C19orf33: variants seen among roughly 807,000 people sequenced by gnomAD.
C19orf33 encodes chromosome 19 open reading frame 33.
C19orf33 carries 9 observed loss-of-function variants against 9.7 expected under a neutral mutation model. That is an observed-to-expected ratio of 0.93 (90% CI 0.56 to 1.61). The LOEUF (loss-of-function observed/expected upper bound fraction) is 1.61, where lower values mean the gene tolerates loss of function less well. Ranked by LOEUF, C19orf33 falls within the 40% of genes most tolerant of loss-of-function variation. The pLI is 0.00. For synonymous variants in C19orf33, 61 were observed against 54.8 expected, an observed-to-expected ratio of 1.11 and a Z score of -0.50; for missense variants, 145 against 137.9, an observed-to-expected ratio of 1.05 and a Z score of -0.26.
At position 38,304,666 on chromosome 19, in the gene C19orf33, G is replaced by A. The variant is rs928454221; in HGVS notation, c.181G>A (p.Asp61Asn). ...SSSDSSSSSS[D>N]SDTDVKSHAA... The stretch of plus-strand genomic sequence containing the variant: ...TTCCGACTCCAGCAGCAGCTCCAGC[G>A]ATTCGGACACGGATGTGAAGGTAAG... Residue 61 changes from aspartate (D) to asparagine (N), a missense_variant, in exon 3 of 4, where the codon GAT (aspartate) becomes AAT (asparagine). Asp to Asn is a conservative substitution (Grantham distance 23). Coordinates refer to ENST00000301246, the MANE Select transcript of C19orf33 (RefSeq NM_033520.3). The A allele has an allele frequency of 1.2e-6, 2 of 1,613,696 alleles. No homozygotes were observed. Among genetic ancestry groups the A allele is most frequent in the South Asian group, 2.2e-5 (2 of 91,090 alleles).
Position 38,304,463 on chromosome 19 carries a change from G to A in C19orf33, c.111G>A (p.Ser37=), listed in dbSNP as rs1391612621. ...GTCCCCACAAAGTTCAGGGCCGGTC[G>A]GAGGCAGGGGCAGGTCCGGGTCCAA... ...KLSPHKVQGR[S]EAGAGPGPKQ... The change falls in exon 2 of 4, where the codon TCG becomes TCA. Residue 37 remains serine, a synonymous_variant. Transcript: ENST00000301246. 8 of 1,556,136 alleles carry A rather than the reference G, an allele frequency of 5.1e-6. No individual in the cohort carries two copies. In the East Asian group the frequency reaches 1.7e-4, roughly 33 times the overall value.
intron 2 of C19orf33, 63 bp downstream of exon 2, chr19:38,304,553 G>A: frequency 6.3e-7 from 1 of 1,597,686 alleles, no homozygotes; most frequent in African/African-American, 1.3e-5. Context: ...TGACCCCAGG[G>A]TCCTGCCTTA....
In C19orf33 at chr19:38,304,657, A is replaced by G; in HGVS notation, c.172A>G (p.Ser58Gly). 1 of 1,613,670 alleles carries G rather than the reference A, an allele frequency of 6.2e-7. No homozygotes were observed. The highest frequency in any genetic ancestry group is 8.5e-7 in the Non-Finnish European group (1 of 1,180,000). ...GHHSSSDSSSSSSDSDTDVKS... is the reference protein window; with the variant it reads ...GHHSSSDSSSGSSDSDTDVKS... ...CCACAGCTCTTCCGACTCCAGCAGC[A>G]GCTCCAGCGATTCGGACACGGATGT... The change falls in exon 3 of 4, where the codon AGC becomes GGC. Residue 58 changes from serine to glycine, a missense_variant. By Grantham distance (56) the Ser-to-Gly change is moderately conservative. Transcript: ENST00000301246.
chr19:38,304,593 G>T, intron 2 of C19orf33, 31 bp from the exon 3 acceptor site: 1 of 1,612,724 alleles, frequency 6.2e-7, no homozygotes, highest in South Asian at 1.1e-5. Context: ...CTGGGTAAGG[G>T]GCGCCGCCTC....
Position 38,304,677 on chromosome 19 carries a change from G to T in C19orf33, c.192G>T (p.Thr64=). ...DSSSSSSDSD[T]DVKSHAAGSK... is the part of the protein sequence containing the mutation. Reference sequence around the variant, plus strand: ...GCAGCAGCTCCAGCGATTCGGACACGGATGTGAAGGTAAGGGGCTCTCGCC... The same window carrying T: ...GCAGCAGCTCCAGCGATTCGGACACTGATGTGAAGGTAAGGGGCTCTCGCC... Residue 64 remains threonine (T), a synonymous_variant, in exon 3 of 4, where the codon ACG becomes ACT. Transcript: ENST00000301246. 6.2e-7 allele frequency: 1 copy of T among 1,613,646 alleles called. No homozygotes were observed. Among genetic ancestry groups the T allele is most frequent in the Non-Finnish European group, 8.5e-7 (1 of 1,179,974 alleles).
chr19:38,304,668 T>C lies in C19orf33; in HGVS notation c.183T>C (p.Asp61=). Residue 61 remains aspartate (D), a synonymous_variant, in exon 3 of 4, where the codon GAT becomes GAC. Transcript: ENST00000301246. ...CCGACTCCAGCAGCAGCTCCAGCGA[T>C]TCGGACACGGATGTGAAGGTAAGGG... ...SSSDSSSSSS[D]SDTDVKSHAA... 1 of 1,613,616 alleles carries C rather than the reference T, an allele frequency of 6.2e-7. No individual in the cohort carries two copies. Among genetic ancestry groups the C allele is most frequent in the South Asian group, 1.1e-5 (1 of 91,086 alleles).
Position 38,304,507 on chromosome 19 carries a change from C to T in C19orf33, c.138+17C>T. 6.4e-7 allele frequency: 1 copy of T among 1,561,656 alleles called. No homozygotes were observed. The highest frequency in any genetic ancestry group is 8.7e-7 in the Non-Finnish European group (1 of 1,153,042). ...GGTCCAAAGGTAAGTCGCCTCATCA[C>T]CGGCTGCGGAGGGGCGGGAAGGCTG... On this transcript the variant is annotated intron_variant, in intron 2 of 3. Transcript: ENST00000301246.
chr19:38,304,885 G>A lies in C19orf33; in HGVS notation c.242G>A (p.Gly81Asp), dbSNP rs1968925268. The change falls in exon 4 of 4, where the codon GGC becomes GAC. Residue 81 changes from glycine to aspartate, a missense_variant. Physicochemically the swap from Gly to Asp is moderately conservative, Grantham distance 94 (BLOSUM62 -1). Transcript: ENST00000301246. ...AGSKQHESIP[G>D]KAKKPKVKKK... Reference sequence around the variant, plus strand: ...TCCAAGCAGCACGAGAGCATCCCGGGCAAGGCCAAGAAGCCCAAAGTGAAG... The same window carrying A: ...TCCAAGCAGCACGAGAGCATCCCGGACAAGGCCAAGAAGCCCAAAGTGAAG... The A allele has an allele frequency of 6.2e-7, 1 of 1,610,672 alleles. No individual in the cohort carries two copies. Among genetic ancestry groups the A allele is most frequent in the Non-Finnish European group, 8.5e-7 (1 of 1,178,268 alleles).
Position 38,304,920 on chromosome 19 carries a change from A to T in C19orf33, c.277A>T (p.Lys93Ter). The change falls in exon 4 of 4, where the codon AAG (lysine) becomes TAG (stop). Residue 93 changes from lysine to a stop codon, truncating the protein, a stop_gained. Transcript: ENST00000301246. LOFTEE classifies it low-confidence loss of function (END_TRUNC). ...GAAGCCCAAAGTGAAGAAGAAGGAG[A>T]AGGGCAAGAAGGAGAAGGGCAAGAA... ...AKKPKVKKKE[K>*]GKKEKGKKKE... The T allele has an allele frequency of 2.5e-6, 4 of 1,611,176 alleles. No individual in the cohort carries two copies. Among genetic ancestry groups the T allele is most frequent in the South Asian group, 1.1e-5 (1 of 90,832 alleles).
chr19:38,304,908 A>AAGAAGAAGGAGAAGG lies in C19orf33; in HGVS notation c.266_280dup (p.Lys93_Gly94insGluLysLysGluLys), dbSNP rs1968927240. Reference sequence around the variant, plus strand: ...GGGCAAGGCCAAGAAGCCCAAAGTGAAGAAGAAGGAGAAGGGCAAGAAGGA... The same window carrying AAGAAGAAGGAGAAGG: ...GGGCAAGGCCAAGAAGCCCAAAGTGAAGAAGAAGGAGAAGGAGAAGAAGGAGAAGGGCAAGAAGGA... On this transcript the variant is annotated inframe_insertion, in exon 4 of 4. Coordinates refer to ENST00000301246, the MANE Select transcript of C19orf33 (RefSeq NM_033520.3). The AAGAAGAAGGAGAAGG allele has an allele frequency of 9.2e-7, 1 of 1,082,092 alleles. No individual in the cohort carries two copies. Among genetic ancestry groups the AAGAAGAAGGAGAAGG allele is most frequent in the Non-Finnish European group, 1.2e-6 (1 of 804,564 alleles). 67.0% of individuals were successfully genotyped at this position (1,082,092 alleles called of 1,614,324 possible). A position where few individuals can be genotyped will look rare whatever the true frequency, so the allele number is the denominator to read the frequency against.
chr19:38,304,573 C>T (rs1198518379), intron 2 of C19orf33, 51 bp from the exon 3 acceptor site: 4 of 1,609,980 alleles, frequency 2.5e-6, no homozygotes, highest in Middle Eastern at 1.7e-4. Flanking sequence ...AGGCCTCCAA[C>T]TTCAGGGGGC....
chr19:38,304,540 C>G (rs1968900394), intron 2 of C19orf33, 50 bp downstream of exon 2: 2 of 1,584,104 alleles, frequency 1.3e-6, no homozygotes, highest in Admixed American at 3.7e-5. Context: ...CTGGGGTTGC[C>G]CCTGACCCCA....
At position 38,304,946 on chromosome 19, in the gene C19orf33, G is replaced by GGAGAAGGGCAAGAAGGAGAAGGGC; in HGVS notation, c.303_304insGAGAAGGGCAAGAAGGAGAAGGGC (p.Lys101_Lys102insGluLysGlyLysLysGluLysGly). On this transcript the variant is annotated inframe_insertion, in exon 4 of 4. Coordinates refer to ENST00000301246, the MANE Select transcript of C19orf33 (RefSeq NM_033520.3). The stretch of plus-strand genomic sequence containing the variant: ...AGGGCAAGAAGGAGAAGGGCAAGAA[G>GGAGAAGGGCAAGAAGGAGAAGGGC]AAGGAGGCTCCCCACTGAAGGGCCC... 1 of 1,610,278 alleles carries GGAGAAGGGCAAGAAGGAGAAGGGC rather than the reference G, an allele frequency of 6.2e-7. No homozygotes were observed. The highest frequency in any genetic ancestry group is 1.7e-5 in the Admixed American group (1 of 59,386).
rs746439270 is a variant in C19orf33 at position 38,304,944 on chromosome 19, A to AAGG, written c.303_304insGAG (p.Lys101_Lys102insGlu). 24 of 1,600,626 alleles carry AAGG rather than the reference A, an allele frequency of 1.5e-5. No individual in the cohort carries two copies. The Admixed American group carries it at 1.9e-4, about 12-fold the overall frequency. On this transcript the variant is annotated inframe_insertion, in exon 4 of 4. Transcript: ENST00000301246. Reference sequence around the variant, plus strand: ...GAAGGGCAAGAAGGAGAAGGGCAAGAAGAAGGAGGCTCCCCACTGAAGGGC... The same window carrying AAGG: ...GAAGGGCAAGAAGGAGAAGGGCAAGAAGGAGAAGGAGGCTCCCCACTGAAGGGC...
chr19:38,304,324 G>A lies in C19orf33; in HGVS notation c.22+41G>A, dbSNP rs773151210. 15 of 1,612,918 alleles carry A rather than the reference G, an allele frequency of 9.3e-6. No homozygotes were observed. In the East Asian group the frequency reaches 2.2e-4, roughly 24 times the overall value. On this transcript the variant is annotated intron_variant, in intron 1 of 3. Transcript: ENST00000301246. The stretch of plus-strand genomic sequence containing the variant: ...GTGTGGACTGGAGGTGCAGGGGGCC[G>A]GACTCAAGCCCAGAAGCTGCCTGCA...
In C19orf33 at chr19:38,304,871, C is replaced by A. The variant is rs7248001; in HGVS notation, c.228C>A (p.His76Gln). Reference protein sequence around the residue: ...VKSHAAGSKQHESIPGKAKKP... With the variant: ...VKSHAAGSKQQESIPGKAKKP... ...CCCACGCTGCTGGCTCCAAGCAGCA[C>A]GAGAGCATCCCGGGCAAGGCCAAGA... Residue 76 changes from histidine to glutamine, a missense_variant, in exon 4 of 4, where the codon CAC becomes CAA. Coordinates refer to ENST00000301246, the MANE Select transcript of C19orf33 (RefSeq NM_033520.3). 1.2e-6 allele frequency: 2 copies of A among 1,613,662 alleles called. No homozygotes were observed. Among genetic ancestry groups the A allele is most frequent in the Middle Eastern group, 1.7e-4 (1 of 6,058 alleles).
At position 38,304,824 on chromosome 19, in the gene C19orf33, T is replaced by C. The variant is rs770448852; in HGVS notation, c.202-21T>C. ...GCCCAGAACCATCTCTTCTCTCCCATCCCTGCCCTCGGCCCCACAGTCCCA... is the reference window on the plus strand; with the variant it reads ...GCCCAGAACCATCTCTTCTCTCCCACCCCTGCCCTCGGCCCCACAGTCCCA... On this transcript the variant is annotated intron_variant, in intron 3 of 3. Coordinates refer to ENST00000301246, the MANE Select transcript of C19orf33 (RefSeq NM_033520.3). 43 of 1,613,220 alleles carry C rather than the reference T, an allele frequency of 2.7e-5. No homozygotes were observed. In the African/African-American group the frequency reaches 5.6e-4, roughly 21 times the overall value.
chr19:38,304,829 G>C lies in C19orf33; in HGVS notation c.202-16G>C. Reference sequence around the variant, plus strand: ...GAACCATCTCTTCTCTCCCATCCCTGCCCTCGGCCCCACAGTCCCACGCTG... The same window carrying C: ...GAACCATCTCTTCTCTCCCATCCCTCCCCTCGGCCCCACAGTCCCACGCTG... On this transcript the variant is annotated splice_polypyrimidine_tract_variant and intron_variant, in intron 3 of 3. Transcript: ENST00000301246. The C allele has an allele frequency of 6.2e-7, 1 of 1,613,590 alleles. No homozygotes were observed. The highest frequency in any genetic ancestry group is 8.5e-7 in the Non-Finnish European group (1 of 1,179,960).
chr19:38,304,745 C>T (rs1968915489), intron 3 of C19orf33, 59 bp downstream of exon 3: 1 of 1,612,492 alleles, frequency 6.2e-7, no homozygotes, highest in Non-Finnish European at 8.5e-7. Context: ...GAGGCGTCCC[C>T]GCACTGGGGC....
Sources: allele counts gnomAD v4.1 joint callset, GRCh38; gene constraint gnomAD v4.1.1; transcripts MANE v1.5; gene names NCBI Gene and HGNC (gene_info 2026-07-23, HGNC 2026-07-21).